Variants in ST7 observed in about 807,000 individuals in gnomAD.
ST7 encodes the protein suppressor of tumorigenicity 7 protein.
In ST7, 28 loss-of-function variants were observed where a neutral mutation model predicts 78.7. That is an observed-to-expected ratio of 0.36 (90% CI 0.26 to 0.49). The LOEUF (loss-of-function observed/expected upper bound fraction) is 0.49. Among genes scored for constraint, ST7 ranks in the 20% least tolerant of loss-of-function variants. The pLI is 0.99. For synonymous variants in ST7, 247 were observed against 249.6 expected, an observed-to-expected ratio of 0.99 and a Z score of 0.10; for missense variants, 418 against 696.0, an observed-to-expected ratio of 0.60 and a Z score of 4.49.
In ST7 at chr7:117,058,047, A is replaced by C. The variant is rs151299795; in HGVS notation, c.152-41715A>C. Among the ~76,000 whole-genome samples the C allele has an allele frequency of 1.1e-3, 171 of 152,222 alleles. 1 individual carries two copies. The highest frequency in any genetic ancestry group is 3.9e-3 in the African/African-American group (164 of 41,556). ...ATATGCTATCATTAGAAAGCAAACT[A>C]ATTTTTCACAGGTTTCTACTTTTTA... On this transcript the variant is annotated intron_variant, in intron 1 of 15. Transcript: ENST00000323984.
At chr7:117,139,721 A>G (rs1008641148) in intron 9 of ST7, among the ~76,000 whole-genome samples, 2 of 152,338 alleles carry the variant, frequency 1.3e-5, no homozygotes, top group East Asian at 3.9e-4. Flanking sequence ...GCTCTCTAGG[A>G]AAGAGAATCT....
chr7:117,117,553 G>T (rs1802987181), intron 2 of ST7, among the ~76,000 whole-genome samples: 1 of 152,088 alleles, frequency 6.6e-6, no homozygotes, highest in Non-Finnish European at 1.5e-5. Context: ...TGAGGGCCTT[G>T]TTGAGTGGTC....
intron 13 of ST7, among the ~76,000 whole-genome samples, chr7:117,212,379 C>A (rs558316123): frequency 1.3e-5 from 2 of 152,292 alleles, no homozygotes; most frequent in East Asian, 1.9e-4. Flanking sequence ...TTTTCCTTCA[C>A]TGTACTGAAC....
At chr7:117,097,908 A>ATATATATTTTTTT in intron 1 of ST7, among the ~76,000 whole-genome samples, 1 of 30,020 alleles carries the variant, frequency 3.3e-5, no homozygotes, top group African/African-American at 1.6e-4. Context: ...ATATATATAT[A>ATATATATTTTTTT]TTTTTTTTTT....
intron 1 of ST7, among the ~76,000 whole-genome samples, chr7:117,028,137 G>C (rs1216141289): frequency 6.6e-6 from 1 of 152,024 alleles, no homozygotes; most frequent in Non-Finnish European, 1.5e-5. Context: ...ATTTGTTAGT[G>C]GGTAAACTAC....
chr7:117,229,002 C>G (rs558593771), intron 15 of ST7, among the ~76,000 whole-genome samples: 1 of 152,170 alleles, frequency 6.6e-6, no homozygotes, highest in South Asian at 2.1e-4. Flanking sequence ...TGATTCTTCA[C>G]AAGAACAGAA....
chr7:117,094,141 C>T (rs1800847987), intron 1 of ST7, among the ~76,000 whole-genome samples: 1 of 152,206 alleles, frequency 6.6e-6, no homozygotes, highest in African/African-American at 2.4e-5. Context: ...TAGCCATTCA[C>T]TACTAGTCAA....
intron 1 of ST7, among the ~76,000 whole-genome samples, chr7:117,037,105 G>A (rs536639981): frequency 5.3e-5 from 8 of 152,276 alleles, no homozygotes; most frequent in South Asian, 2.1e-4. Flanking sequence ...ATGGACAACC[G>A]GAGCAGTTGC....
intron 2 of ST7, 41 bp from the exon 3 acceptor site, chr7:117,119,520 T>C (rs1803191313): frequency 6.3e-7 from 1 of 1,587,316 alleles, no homozygotes; most frequent in South Asian, 1.2e-5. Flanking sequence ...AAGTCGTAAA[T>C]GATAACAGTG....
chr7:116,996,070 T>C (rs1451185851), intron 1 of ST7, among the ~76,000 whole-genome samples: 1 of 150,260 alleles, frequency 6.7e-6, no homozygotes, highest in East Asian at 1.9e-4. Flanking sequence ...TGTTAACTCT[T>C]GCAGATTCCC....
chr7:117,152,222 T>TATATATAC (rs1563124840), intron 9 of ST7, among the ~76,000 whole-genome samples: 6 of 117,958 alleles, frequency 5.1e-5, no homozygotes, highest in Non-Finnish European at 1.8e-5. Context: ...TATATATATA[T>TATATATAC]ACCATGAACA....
intron 2 of ST7, among the ~76,000 whole-genome samples, chr7:117,109,258 A>G (rs1019370362): frequency 6.6e-6 from 1 of 152,158 alleles, no homozygotes; most frequent in Non-Finnish European, 1.5e-5. Flanking sequence ...TATTACCTTA[A>G]GTATGTCCCT....
chr7:117,145,561 A>C (rs916463156), intron 9 of ST7: 5 of 152,042 alleles, frequency 3.3e-5, no homozygotes, highest in African/African-American at 1.2e-4. Flanking sequence ...CTGTCTTCAC[A>C]TGGCTTTCTC....
At chr7:116,968,796 T>G (rs1793271428) in intron 1 of ST7, among the ~76,000 whole-genome samples, 1 of 152,142 alleles carries the variant, frequency 6.6e-6, no homozygotes, top group South Asian at 2.1e-4. Flanking sequence ...CTGGAATAAC[T>G]TTAGGAATTC....
intron 1 of ST7, among the ~76,000 whole-genome samples, chr7:117,028,048 C>T (rs1035756653): frequency 6.6e-6 from 1 of 152,108 alleles, no homozygotes; most frequent in African/African-American, 2.4e-5. Flanking sequence ...TGCCAGTAAT[C>T]AGCTCTTGTC....
intron 1 of ST7, among the ~76,000 whole-genome samples, chr7:117,003,363 T>C (rs1795025405): frequency 6.6e-6 from 1 of 151,958 alleles, no homozygotes; most frequent in Non-Finnish European, 1.5e-5. Context: ...AGTGGCCCAA[T>C]CTTGGCACAT....
At chr7:116,971,698 G>A (rs1048038226) in intron 1 of ST7, among the ~76,000 whole-genome samples, 1 of 152,098 alleles carries the variant, frequency 6.6e-6, no homozygotes, top group African/African-American at 2.4e-5. Flanking sequence ...CTTTCCCTGG[G>A]CTCTGTTTGG....
chr7:117,055,434 C>G (rs1156681404), intron 1 of ST7, among the ~76,000 whole-genome samples: 1 of 152,146 alleles, frequency 6.6e-6, no homozygotes, highest in Non-Finnish European at 1.5e-5. Flanking sequence ...GAACTCCTGA[C>G]CTCAGGTGAT....
At chr7:117,123,339 G>A (rs1230596388) in intron 3 of ST7, among the ~76,000 whole-genome samples, 1 of 152,134 alleles carries the variant, frequency 6.6e-6, no homozygotes, top group East Asian at 1.9e-4. Context: ...GTGGTGGAGT[G>A]AGGAGTGAGA....
Sources: allele counts gnomAD v4.1 joint callset (sites outside exome capture counted in the v4.1 genomes callset), GRCh38; gene constraint gnomAD v4.1.1; transcripts MANE v1.5; gene names NCBI Gene and HGNC (gene_info 2026-07-23, HGNC 2026-07-21).